Variants in PTPRK observed in about 807,000 individuals in gnomAD.
PTPRK encodes the protein receptor-type tyrosine-protein phosphatase kappa.
A neutral mutation model predicts 178.0 loss-of-function variants in PTPRK; 75 were observed. The observed-to-expected ratio is 0.42, with a 90% CI of 0.35 to 0.51. The LOEUF is 0.51. Among genes scored for constraint, PTPRK ranks in the 20% least tolerant of loss-of-function variants. The probability of loss-of-function intolerance (pLI) is 0.02; values close to 1 mark genes in which losing one functional copy is unlikely to be tolerated. For missense variants in PTPRK, 1,441 were observed against 1,797.8 expected (o/e 0.80, Z 3.59); for synonymous variants, 637 against 620.6 (o/e 1.03, Z -0.39).
intron 6 of PTPRK, among the ~76,000 whole-genome samples, chr6:128,190,161 T>A (rs1051169043): frequency 1.3e-5 from 2 of 152,190 alleles, no homozygotes; most frequent in African/African-American, 4.8e-5. Flanking sequence ...AGTATACATT[T>A]GAAAATTTTA....
intron 2 of PTPRK, among the ~76,000 whole-genome samples, chr6:128,352,871 AGTAATAAAATAGTTTGT>A: frequency 6.6e-6 from 1 of 152,228 alleles, no homozygotes; most frequent in East Asian, 1.9e-4. Context: ...CTTTGTAATA[AGTAATAAAATAGTTTGT>A]TCAATGTCCT....
chr6:127,981,498 G>C (rs1457460940), intron 24 of PTPRK, among the ~76,000 whole-genome samples: 1 of 152,082 alleles, frequency 6.6e-6, no homozygotes, highest in Non-Finnish European at 1.5e-5. Flanking sequence ...ATTGTTCAGG[G>C]CTCCTCTTCT....
In PTPRK at chr6:128,432,745, A is replaced by AACACACACACAC. The variant is rs4053237; in HGVS notation, c.101-35069_101-35058dup. On this transcript the variant is annotated intron_variant, in intron 1 of 29. Coordinates refer to ENST00000368226, the MANE Select transcript of PTPRK (RefSeq NM_002844.4). ...ACCATACAGGTATGTTGTGTTCACA[A>AACACACACACAC]ACACACACACACACACACACACACA... Among the ~76,000 whole-genome samples the AACACACACACAC allele has an allele frequency of 9.9e-3, 1,450 of 146,336 alleles. 28 individuals are homozygous for AACACACACACAC. The highest frequency in any genetic ancestry group is 0.032 in the African/African-American group (1,280 of 39,990).
rs116222280 is a variant in PTPRK at position 128,250,910 on chromosome 6, T to C, written c.496-8308A>G. ...CTGTCACTCACTGTAGCTCCTCTCATAGACACTGGCAATTTGGAATTATGG... is the reference window on the plus strand; with the variant it reads ...CTGTCACTCACTGTAGCTCCTCTCACAGACACTGGCAATTTGGAATTATGG... On this transcript the variant is annotated intron_variant, in intron 3 of 29. Transcript: ENST00000368226. Among the ~76,000 whole-genome samples the C allele has an allele frequency of 4.3e-3, 662 of 152,316 alleles. 4 individuals are homozygous for C. The highest frequency in any genetic ancestry group is 0.015 in the African/African-American group (620 of 41,582).
chr6:128,516,610 A>T (rs1319455720), intron 1 of PTPRK, among the ~76,000 whole-genome samples: 6 of 152,234 alleles, frequency 3.9e-5, no homozygotes, highest in Non-Finnish European at 8.8e-5. Context: ...ACAAGGAGTC[A>T]GATACTGCTC....
intron 1 of PTPRK, among the ~76,000 whole-genome samples, chr6:128,410,220 G>A (rs562125963): frequency 3.9e-5 from 6 of 152,216 alleles, no homozygotes; most frequent in Admixed American, 2.6e-4. Context: ...AAATGCATTC[G>A]GGTTATTTTT....
intron 10 of PTPRK, among the ~76,000 whole-genome samples, chr6:128,080,854 G>A (rs1784692518): frequency 6.6e-6 from 1 of 151,974 alleles, no homozygotes; most frequent in Non-Finnish European, 1.5e-5. Flanking sequence ...TAAAGTGATT[G>A]CAACCAAGTT....
At chr6:127,985,268 A>C (rs1298706444) in intron 22 of PTPRK, among the ~76,000 whole-genome samples, 1 of 152,132 alleles carries the variant, frequency 6.6e-6, no homozygotes, top group African/African-American at 2.4e-5. Flanking sequence ...TTTAAAAAAA[A>C]TTTTTAAATA....
At chr6:128,133,243 A>G (rs1562644338) in intron 7 of PTPRK, among the ~76,000 whole-genome samples, 1 of 152,226 alleles carries the variant, frequency 6.6e-6, no homozygotes, top group Non-Finnish European at 1.5e-5. Flanking sequence ...TGTGACTTAT[A>G]AGATATAATC....
In PTPRK at chr6:128,389,787, G is replaced by A. The variant is rs902987980; in HGVS notation, c.223+7779C>T. ...TATTCTTTTCCCCTGAAATATATTA[G>A]GACATATCTAACTTAGATGCATTAT... is the stretch of plus-strand genomic sequence containing the variant. On this transcript the variant is annotated intron_variant, in intron 2 of 29. Coordinates refer to ENST00000368226, the MANE Select transcript of PTPRK (RefSeq NM_002844.4). 2.0e-5 allele frequency among the ~76,000 whole-genome samples: 3 copies of A among 151,482 alleles called. 1 individual carries two copies. Among genetic ancestry groups the A allele is most frequent in the African/African-American group, 7.3e-5 (3 of 41,196 alleles).
intron 1 of PTPRK, among the ~76,000 whole-genome samples, chr6:128,514,521 A>G (rs1015476919): frequency 3.9e-5 from 6 of 152,178 alleles, no homozygotes; most frequent in African/African-American, 1.4e-4. Context: ...TTATTAAAAC[A>G]ATTCCTAGAA....
chr6:128,322,079 G>A lies in PTPRK; in HGVS notation c.455C>T (p.Ala152Val). 6.2e-7 allele frequency: 1 copy of A among 1,613,886 alleles called. No homozygotes were observed. Among genetic ancestry groups the A allele is most frequent in the South Asian group, 1.1e-5 (1 of 91,076 alleles). Residue 152 changes from alanine to valine, a missense_variant, in exon 3 of 30, where the codon GCT (alanine) becomes GTT (valine). Around this residue, in one of 4 missense-constraint regions of PTPRK, gnomAD observed 158 missense variants for 188.0 expected, o/e 0.84. Transcript: ENST00000368226. ...CCAAAAGGTGCTCACTGCTAGCTCAGCCCGAAGCCAATCTCTACCCGTGAA... is the reference window on the plus strand; with the variant it reads ...CCAAAAGGTGCTCACTGCTAGCTCAACCCGAAGCCAATCTCTACCCGTGAA... The part of the protein sequence containing the change: ...TGFTGRDWLR[A>V]ELAVSTFWPN...
intron 1 of PTPRK, among the ~76,000 whole-genome samples, chr6:128,422,615 C>T (rs1312990703): frequency 1.6e-5 from 2 of 125,052 alleles, no homozygotes; most frequent in African/African-American, 3.1e-5. Flanking sequence ...CCATTTGTTA[C>T]AGCATGGGAG....
chr6:128,159,937 A>G (rs1798460674), intron 7 of PTPRK, among the ~76,000 whole-genome samples: 1 of 151,756 alleles, frequency 6.6e-6, no homozygotes, highest in Non-Finnish European at 1.5e-5. Context: ...TAAAATGGGC[A>G]GGATTATGTT....
chr6:128,092,720 A>G (rs1787201292), intron 7 of PTPRK, among the ~76,000 whole-genome samples: 1 of 152,186 alleles, frequency 6.6e-6, no homozygotes, highest in Non-Finnish European at 1.5e-5. Flanking sequence ...AGATGGTTCT[A>G]CTACTATAAA....
chr6:128,321,395 A>G (rs998908044), intron 3 of PTPRK: 3 of 184,644 alleles, frequency 1.6e-5, no homozygotes, highest in Admixed American at 6.2e-5. Flanking sequence ...ACAGAATCAT[A>G]AAGTGGGTAC....
At chr6:128,235,450 C>T in intron 5 of PTPRK, 1 of 279,036 alleles carries the variant, frequency 3.6e-6, no homozygotes, top group South Asian at 3.4e-5. Flanking sequence ...CACTTTTGAT[C>T]TTATTTCCCA....
At chr6:128,439,300 C>T (rs1299768511) in intron 1 of PTPRK, among the ~76,000 whole-genome samples, 1 of 152,088 alleles carries the variant, frequency 6.6e-6, no homozygotes, top group African/African-American at 2.4e-5. Context: ...AAAAAGACTA[C>T]AAATAATACA....
At chr6:128,236,593 C>T (rs1456259025) in intron 5 of PTPRK, among the ~76,000 whole-genome samples, 1 of 152,014 alleles carries the variant, frequency 6.6e-6, no homozygotes, top group Admixed American at 6.6e-5. Context: ...ATGATCCACC[C>T]ACCTCGGCGT....
Sources: gnomAD v4.1 joint callset for allele counts (sites outside exome capture counted in the v4.1 genomes callset) on GRCh38, gnomAD v4.1.1 for gene constraint, gnomAD v4.1.1 regional missense constraint, MANE v1.5 for transcripts, NCBI Gene and HGNC (gene_info 2026-07-23, HGNC 2026-07-21) for gene names.